HEATR4: variants seen among roughly 807,000 people sequenced by gnomAD.
The protein encoded by HEATR4 is HEAT repeat containing 4.
HEATR4 carries 95 observed loss-of-function variants against 108.8 expected under a neutral mutation model. The ratio of observed to expected loss-of-function variants is 0.87; its 90% CI spans 0.74 to 1.04. HEATR4 has a LOEUF of 1.04. HEATR4 is among the 50% of genes least tolerant of loss of function. The pLI is 0.00. For missense variants in HEATR4, 1,152 were observed against 1,253.8 expected, an observed-to-expected ratio of 0.92 and a Z score of 1.23; for synonymous variants, 443 against 459.4, an observed-to-expected ratio of 0.96 and a Z score of 0.46.
At chr14:73,612,591 T>C in the HEATR4 span, 1 of 1,410,546 alleles carries the variant, frequency 7.1e-7, no homozygotes, top group Admixed American at 2.7e-5. Flanking sequence ...ACGCTGATCC[T>C]GGAGCCCGCG....
intron 2 of HEATR4, among the ~76,000 whole-genome samples, chr14:73,524,120 A>G (rs1214151445): frequency 6.6e-6 from 1 of 151,464 alleles, no homozygotes; most frequent in Non-Finnish European, 1.5e-5. Flanking sequence ...GTGAAATCCC[A>G]TCTCTACTAA....
intron 17 of HEATR4, 86 bp from the exon 18 acceptor site, chr14:73,478,928 T>C (rs1885124000): frequency 4.0e-6 from 4 of 992,918 alleles, no homozygotes; most frequent in Admixed American, 2.4e-5. Flanking sequence ...TCTTTGGCTA[T>C]AGGGTGTCTC....
At chr14:73,613,011 C>T in the HEATR4 span, 1 of 936,966 alleles carries the variant, frequency 1.1e-6, no homozygotes, top group Non-Finnish European at 1.5e-6. Context: ...GTGCGCGCCG[C>T]GCTCTTCCTG....
the HEATR4 span, among the ~76,000 whole-genome samples, chr14:73,602,623 C>T: frequency 6.6e-6 from 1 of 152,328 alleles, no homozygotes; most frequent in Non-Finnish European, 1.5e-5. Context: ...TTCCCGCGTT[C>T]TCCCCGCTTT....
intron 2 of HEATR4, among the ~76,000 whole-genome samples, chr14:73,528,575 C>G (rs140548022): frequency 0.046 from 6,933 of 152,032 alleles, 230 homozygotes; most frequent in Middle Eastern, 0.12. Flanking sequence ...AGTCACGGGA[C>G]AGGTGTAAGG....
At chr14:73,590,814 T>C in the HEATR4 span, among the ~76,000 whole-genome samples, 9 of 151,908 alleles carry the variant, frequency 5.9e-5, no homozygotes, top group African/African-American at 2.2e-4. Context: ...CCCGCGCCTC[T>C]CCCTCCACAC....
the HEATR4 span, among the ~76,000 whole-genome samples, chr14:73,630,641 C>T: frequency 9.2e-5 from 14 of 152,168 alleles, no homozygotes; most frequent in South Asian, 2.1e-4. Context: ...ATGGGAATCA[C>T]GACTTACAGT....
intron 10 of HEATR4, among the ~76,000 whole-genome samples, chr14:73,504,567 C>G (rs543401964): frequency 3.3e-5 from 5 of 152,218 alleles, no homozygotes; most frequent in Non-Finnish European, 7.4e-5. Flanking sequence ...AATAATGCTC[C>G]TAGGTGACGC....
intron 6 of HEATR4, among the ~76,000 whole-genome samples, chr14:73,512,528 C>T (rs1386239720): frequency 6.6e-6 from 1 of 152,118 alleles, no homozygotes; most frequent in Non-Finnish European, 1.5e-5. Context: ...AGTTACTTAA[C>T]CCTGAGCCTG....
At position 73,499,140 on chromosome 14, in the gene HEATR4, C is replaced by T; in HGVS notation, c.2287G>A (p.Val763Met). Residue 763 changes from valine (V) to methionine (M), a missense_variant and splice_region_variant, in exon 13 of 18, where the codon GTG (valine) becomes ATG (methionine). Physicochemically the swap from Val to Met is conservative, Grantham distance 21 (BLOSUM62 1). Coordinates refer to ENST00000553558, the MANE Select transcript of HEATR4 (RefSeq NM_001220484.1). ...AGALQIRDKM[V>M]LECLLNLMQR... The stretch of plus-strand genomic sequence containing the variant: ...ATCAGGTTCAGGAGGCATTCAAGCA[C>T]CTGGGATGGAAAAGGCAGTGTTGAG... The T allele has an allele frequency of 1.2e-6, 2 of 1,614,008 alleles. No homozygotes were observed. The highest frequency in any genetic ancestry group is 1.7e-5 in the Admixed American group (1 of 60,004).
At chr14:73,493,577 C>T (rs957399409) in intron 16 of HEATR4, among the ~76,000 whole-genome samples, 12 of 152,104 alleles carry the variant, frequency 7.9e-5, no homozygotes, top group Non-Finnish European at 1.2e-4. Context: ...GGTACTCATG[C>T]CTGTAATCCT....
At position 73,478,943 on chromosome 14, in the gene HEATR4, T is replaced by A. The variant is rs890295276; in HGVS notation, c.2845-101A>T. On this transcript the variant is annotated intron_variant, in intron 17 of 17. Coordinates refer to ENST00000553558, the MANE Select transcript of HEATR4 (RefSeq NM_001220484.1). ...TCTTTGGCTATAGGGTGTCTCCTTT[T>A]TTTTTTTCTTTTTGAGACGGAGTCC... 3.7e-6 allele frequency: 3 copies of A among 820,938 alleles called. No homozygotes were observed. In the African/African-American group the frequency reaches 5.2e-5, roughly 14 times the overall value. 50.9% of individuals were successfully genotyped at this position (820,938 alleles called of 1,614,324 possible).
rs1478531698 is a variant in HEATR4, at chr14:73,509,852, ATATATATATATATATATTTATT to A, written c.1559-401_1559-380del. ...TATATATATATATATATATATATATATATATATATATATATATTTATTTATTTTATATATTTTTTGAGACGGA... is the reference window on the plus strand; with the variant it reads ...TATATATATATATATATATATATATATATTTTATATATTTTTTGAGACGGA... On this transcript the variant is annotated intron_variant, in intron 7 of 17. Coordinates refer to ENST00000553558, the MANE Select transcript of HEATR4 (RefSeq NM_001220484.1). Among the ~76,000 whole-genome samples, 181 of 60,038 alleles carry A rather than the reference ATATATATATATATATATTTATT, an allele frequency of 3.0e-3. 7 individuals carry two copies. Among genetic ancestry groups the A allele is most frequent in the Middle Eastern group, 0.03 (4 of 134 alleles). 39.4% of individuals were successfully genotyped at this position (60,038 alleles called of 152,430 possible).
At chr14:73,499,040 T>G in intron 13 of HEATR4, 31 bp downstream of exon 13, 1 of 1,589,072 alleles carries the variant, frequency 6.3e-7, no homozygotes, top group Non-Finnish European at 8.6e-7. Context: ...TATTTAAGGT[T>G]GAAGAGTTTG....
the HEATR4 span, among the ~76,000 whole-genome samples, chr14:73,599,671 G>A: frequency 6.6e-6 from 1 of 152,182 alleles, no homozygotes. Flanking sequence ...GTTCAGCTTT[G>A]TCTTGGAAGC....
rs1298348250 is a variant in HEATR4, at chr14:73,551,271, TA to T, written c.-152+7479del. On this transcript the variant is annotated intron_variant, in intron 1 of 17. Coordinates refer to ENST00000553558, the MANE Select transcript of HEATR4 (RefSeq NM_001220484.1). ...AGCCCTTTACCCTCCATGATCCCTTTAAAAACCCTGTTACAGGTAGTTAGAC... is the reference window on the plus strand; with the variant it reads ...AGCCCTTTACCCTCCATGATCCCTTTAAAACCCTGTTACAGGTAGTTAGAC... Among the ~76,000 whole-genome samples the T allele has an allele frequency of 7.0e-5, 8 of 114,816 alleles. 1 individual carries two copies. Among genetic ancestry groups the T allele is most frequent in the African/African-American group, 2.0e-4 (7 of 35,386 alleles). The allele number at this position is 114,816 out of a possible 152,430, so 75.3% of individuals were successfully genotyped here.
At chr14:73,528,631 A>G (rs1444349289) in intron 2 of HEATR4, among the ~76,000 whole-genome samples, 3 of 152,318 alleles carry the variant, frequency 2.0e-5, no homozygotes, top group African/African-American at 4.8e-5. Context: ...CAAATAATTT[A>G]AAATCTGTAG....
intron 13 of HEATR4, among the ~76,000 whole-genome samples, 154 bp from the exon 14 acceptor site, chr14:73,498,498 A>G (rs972365731): frequency 6.6e-6 from 1 of 152,228 alleles, no homozygotes; most frequent in African/African-American, 2.4e-5. Context: ...CATTACCTCC[A>G]AAGGATTCCT....
At chr14:73,581,124 A>G in the HEATR4 span, 18 of 140,616 alleles carry the variant, frequency 1.3e-4, 1 homozygote, top group South Asian at 2.4e-4. Context: ...CCTATCCATC[A>G]CCTCACACTT....
Sources: gnomAD v4.1 joint callset for allele counts (sites outside exome capture counted in the v4.1 genomes callset) on GRCh38, gnomAD v4.1.1 for gene constraint, MANE v1.5 for transcripts, NCBI Gene and HGNC (gene_info 2026-07-23, HGNC 2026-07-21) for gene names.